The following PCDHGA4 variants were observed in gnomAD, a reference collection of about 807,000 sequenced individuals.
The protein encoded by PCDHGA4 is protocadherin gamma-A4.
Under a neutral mutation model 54.6 loss-of-function variants are expected in PCDHGA4, and 38 were observed. The observed-to-expected ratio is 0.70, with a 90% CI of 0.54 to 0.91. The LOEUF (loss-of-function observed/expected upper bound fraction) is 0.91, where lower values mean the gene tolerates loss of function less well. Ranked by LOEUF, PCDHGA4 falls within the 40% of genes least tolerant of loss-of-function variation. The pLI is 0.00. For synonymous variants in PCDHGA4, 511 were observed against 512.9 expected (o/e 1.00, Z 0.05); for missense variants, 1,298 against 1,220.9 (o/e 1.06, Z -0.94).
chr5:141,422,360 G>C (rs766368774), intron 1 of PCDHGA4: 1 of 1,559,254 alleles, frequency 6.4e-7, no homozygotes, highest in African/African-American at 1.4e-5. Context: ...CAAGATTCTG[G>C]AGAAAATGGT....
At chr5:141,365,639 C>T (rs1764033148) in intron 1 of PCDHGA4, 2 of 1,613,492 alleles carry the variant, frequency 1.2e-6, no homozygotes, top group Admixed American at 3.3e-5. Context: ...TACAGAAAGC[C>T]ACATCCCCTT....
rs368785983 is a variant in PCDHGA4 at position 141,393,012 on chromosome 5, G to A, written c.2514+35391G>A. The A allele has an allele frequency of 1.4e-5, 23 of 1,613,724 alleles. No homozygotes were observed. Among genetic ancestry groups the A allele is most frequent in the Non-Finnish European group, 1.9e-5 (23 of 1,179,884 alleles). ...GCTGGCGAAGCACGGAGTCCGTATC[G>A]TCTCCAGAGGTAGGACGCAGCTCTT... On this transcript the variant is annotated intron_variant, in intron 1 of 3. Transcript: ENST00000571252.
intron 1 of PCDHGA4, chr5:141,415,743 T>G (rs1317934891): frequency 9.6e-6 from 3 of 311,420 alleles, no homozygotes; most frequent in Non-Finnish European, 1.2e-5. Context: ...TATTAAGGTT[T>G]TTTTTTTTTT....
rs567934336 is a variant in PCDHGA4, at chr5:141,368,320, A to G, written c.2514+10699A>G. 5.3e-5 allele frequency among the ~76,000 whole-genome samples: 8 copies of G among 152,298 alleles called. No homozygotes were observed. The East Asian group carries it at 1.5e-3, about 29-fold the overall frequency. ...TTTAAACACTGTTAAAGAGCATTCA[A>G]GTATATCTATATCTATATACATATA... On this transcript the variant is annotated intron_variant, in intron 1 of 3. Transcript: ENST00000571252.
At chr5:141,359,921 GAA>G in intron 1 of PCDHGA4, 2 of 444,504 alleles carry the variant, frequency 4.5e-6, no homozygotes, top group East Asian at 3.4e-5. Flanking sequence ...AGTTTCCTGA[GAA>G]AACCTCTGAG....
intron 2 of PCDHGA4, among the ~76,000 whole-genome samples, chr5:141,504,143 C>A (rs2099835975): frequency 6.6e-6 from 1 of 152,136 alleles, no homozygotes; most frequent in Non-Finnish European, 1.5e-5. Flanking sequence ...CACTCCCCTG[C>A]AAATTGAAAT....
chr5:141,358,355 T>A (rs1760896522), intron 1 of PCDHGA4, among the ~76,000 whole-genome samples: 1 of 152,236 alleles, frequency 6.6e-6, no homozygotes, highest in South Asian at 2.1e-4. Flanking sequence ...GAGGGTTTTT[T>A]AATTTCCTAT....
At chr5:141,391,358 G>T (rs2150448712) in intron 1 of PCDHGA4, 1 of 150,474 alleles carries the variant, frequency 6.6e-6, no homozygotes, top group East Asian at 1.9e-4. Context: ...TGTTACTCAG[G>T]CTGTAGTGCA....
At chr5:141,407,985 A>C in intron 1 of PCDHGA4, 6 of 789,616 alleles carry the variant, frequency 7.6e-6, no homozygotes, top group Non-Finnish European at 1.1e-5. Flanking sequence ...GGGATCCGTC[A>C]GCCTCTGGCC....
chr5:141,358,900 G>A (rs1761050942), intron 1 of PCDHGA4, among the ~76,000 whole-genome samples: 2 of 152,260 alleles, frequency 1.3e-5, no homozygotes, highest in Middle Eastern at 3.4e-3. Flanking sequence ...TTTTATATGA[G>A]GGAAAATATT....
At chr5:141,385,016 C>A (rs536780147) in intron 1 of PCDHGA4, 4 of 1,614,186 alleles carry the variant, frequency 2.5e-6, no homozygotes, top group Non-Finnish European at 3.4e-6. Flanking sequence ...GTCTTCCTAG[C>A]CTTCGTCCTC....
At chr5:141,394,180 C>T in intron 1 of PCDHGA4, 2 of 1,613,948 alleles carry the variant, frequency 1.2e-6, no homozygotes, top group Non-Finnish European at 1.7e-6. Context: ...CCTCATGCCT[C>T]CTACTCAGCG....
At chr5:141,399,901 G>A (rs767228671) in intron 1 of PCDHGA4, 42 of 1,612,296 alleles carry the variant, frequency 2.6e-5, no homozygotes, top group African/African-American at 1.3e-5. Flanking sequence ...GGCCGTGGAC[G>A]CAGACTCAGG....
At chr5:141,381,866 G>A (rs1166624603) in intron 1 of PCDHGA4, among the ~76,000 whole-genome samples, 3 of 53,342 alleles carry the variant, frequency 5.6e-5, no homozygotes, top group Non-Finnish European at 6.8e-5. Flanking sequence ...TTTTGCTCTT[G>A]TTGTCCAGGC....
At chr5:141,383,656 G>A in intron 1 of PCDHGA4, 1 of 1,614,008 alleles carries the variant, frequency 6.2e-7, no homozygotes, top group South Asian at 1.1e-5. Context: ...AACTGTCCCC[G>A]AGAATGTGCC....
chr5:141,479,636 CA>C (rs1397283180), intron 1 of PCDHGA4: 1 of 152,080 alleles, frequency 6.6e-6, no homozygotes, highest in African/African-American at 2.4e-5. Flanking sequence ...TTAACAATAA[CA>C]ACAACAACAA....
chr5:141,477,453 A>G lies in PCDHGA4; in HGVS notation c.2515-17354A>G, dbSNP rs886363658. 1 of 1,614,018 alleles carries G rather than the reference A, an allele frequency of 6.2e-7. No homozygotes were observed. Among genetic ancestry groups the G allele is most frequent in the African/African-American group, 1.3e-5 (1 of 74,910 alleles). The stretch of plus-strand genomic sequence containing the variant: ...TCAGCCCTTACAATAGTGCGTGTTC[A>G]AGTGTCCGACATCAATGACAACCCT... On this transcript the variant is annotated intron_variant, in intron 1 of 3. Coordinates refer to ENST00000571252, the MANE Select transcript of PCDHGA4 (RefSeq NM_018917.4). This position sits in a 1 kb window ranked among gnomAD's most constrained non-coding sequence, Gnocchi z 4.9.
At chr5:141,366,724 T>C (rs917379074) in intron 1 of PCDHGA4, 1 of 1,613,556 alleles carries the variant, frequency 6.2e-7, no homozygotes, top group African/African-American at 1.3e-5. Flanking sequence ...ATAAGGTAGA[T>C]GCAAACAAAG....
intron 1 of PCDHGA4, chr5:141,389,333 C>T (rs753436946): frequency 6.2e-7 from 1 of 1,614,016 alleles, no homozygotes; most frequent in South Asian, 1.1e-5. Flanking sequence ...GGCCCAACGG[C>T]CAAGTCTCTT....
Sources: gnomAD v4.1 joint callset for allele counts (sites outside exome capture counted in the v4.1 genomes callset) on GRCh38, gnomAD v4.1.1 for gene constraint, Gnocchi (gnomAD v3.1) non-coding constraint, MANE v1.5 for transcripts, NCBI Gene and HGNC (gene_info 2026-07-23, HGNC 2026-07-21) for gene names.